BIRC6: variants seen among roughly 807,000 people sequenced by gnomAD.
BIRC6 encodes the protein dual E2 ubiquitin-conjugating enzyme/E3 ubiquitin-protein ligase BIRC6.
A neutral mutation model predicts 503.3 loss-of-function variants in BIRC6; 98 were observed. The observed-to-expected ratio is 0.19, with a 90% CI of 0.17 to 0.23. BIRC6 has a LOEUF of 0.23. Among genes scored for constraint, BIRC6 ranks in the 10% least tolerant of loss-of-function variants. BIRC6 has a pLI of 1.00. For missense variants in BIRC6, 5,360 were observed against 5,806.0 expected, an observed-to-expected ratio of 0.92 and a Z score of 2.50; for synonymous variants, 2,240 against 2,078.7, an observed-to-expected ratio of 1.08 and a Z score of -2.11.
At position 32,392,117 on chromosome 2, in the gene BIRC6, A is replaced by G. The variant is rs780745775; in HGVS notation, c.918A>G (p.Pro306=). 6.3e-7 allele frequency: 1 copy of G among 1,594,930 alleles called. No homozygotes were observed. Among genetic ancestry groups the G allele is most frequent in the South Asian group, 1.1e-5 (1 of 87,788 alleles). Residue 306 remains proline (P), a synonymous_variant, in exon 5 of 74, where the codon CCA becomes CCG. Coordinates refer to ENST00000421745, the MANE Select transcript of BIRC6 (RefSeq NM_016252.4). The part of the protein sequence containing the change: ...WPHVGYRWAQ[P]DPMAQAGFYH... ...ATGTAGGCTATAGGTGGGCACAACC[A>G]GATCCCATGGCTCAAGCTGGATTTT...
intron 61 of BIRC6, among the ~76,000 whole-genome samples, chr2:32,541,534 G>A (rs1306218234): frequency 2.6e-5 from 4 of 151,948 alleles, no homozygotes; most frequent in Non-Finnish European, 5.9e-5. Flanking sequence ...ACCCCACAGA[G>A]TTACCTATCA....
intron 65 of BIRC6, among the ~76,000 whole-genome samples, chr2:32,554,720 C>A (rs902376942): frequency 2.0e-5 from 3 of 151,912 alleles, no homozygotes; most frequent in African/African-American, 7.3e-5. Context: ...ATTTTTCTCA[C>A]AGTGTATTTT....
chr2:32,439,724 T>C (rs756765050), intron 16 of BIRC6, 38 bp downstream of exon 16: 12 of 1,569,332 alleles, frequency 7.6e-6, no homozygotes, highest in Non-Finnish European at 1.0e-5. Flanking sequence ...CAATACAGTT[T>C]TAAACATTGT....
rs1357616414 is a variant in BIRC6 at position 32,499,641 on chromosome 2, A to G, written c.8563A>G (p.Thr2855Ala). 1 of 1,613,706 alleles carries G rather than the reference A, an allele frequency of 6.2e-7. No homozygotes were observed. The highest frequency in any genetic ancestry group is 8.5e-7 in the Non-Finnish European group (1 of 1,179,832). ...GAATTTTGAAGTCGTTTCAGTTAGT[A>G]CTATTTCTGCCGTGATAGAATCGGT... is the stretch of plus-strand genomic sequence containing the variant. The part of the protein sequence containing the change: ...EQNFEVVSVS[T>A]ISAVIESVTF... The change falls in exon 46 of 74, where the codon ACT (threonine) becomes GCT (alanine). Residue 2855 changes from threonine to alanine, a missense_variant. Thr to Ala is a moderately conservative substitution (Grantham distance 58). This residue lies in a region of BIRC6 where 2,299 missense variants were observed against 2,267.2 expected (regional missense o/e 1.01). Coordinates refer to ENST00000421745, the MANE Select transcript of BIRC6 (RefSeq NM_016252.4).
chr2:32,394,255 G>T (rs1333442641), intron 5 of BIRC6, among the ~76,000 whole-genome samples: 2 of 151,352 alleles, frequency 1.3e-5, no homozygotes, highest in African/African-American at 4.9e-5. Flanking sequence ...TCTAGGAAAT[G>T]TTAGGGGCTG....
chr2:32,496,792 G>A (rs1471653559), intron 45 of BIRC6, among the ~76,000 whole-genome samples: 1 of 152,154 alleles, frequency 6.6e-6, no homozygotes, highest in Non-Finnish European at 1.5e-5. Flanking sequence ...CAGATGTATT[G>A]CTTGTTTGGC....
intron 72 of BIRC6, among the ~76,000 whole-genome samples, chr2:32,610,708 C>G (rs2062808677): frequency 6.6e-6 from 1 of 152,144 alleles, no homozygotes; most frequent in Admixed American, 6.6e-5. Context: ...AAGTGTCTGA[C>G]CACAATTGTA....
chr2:32,435,621 A>C, intron 14 of BIRC6, 36 bp downstream of exon 14: 2 of 1,534,230 alleles, frequency 1.3e-6, no homozygotes, highest in East Asian at 2.5e-5. Context: ...CCATGACAGT[A>C]AAAGGAGTAG....
intron 65 of BIRC6, among the ~76,000 whole-genome samples, chr2:32,570,565 C>T (rs1007224611): frequency 6.6e-6 from 1 of 152,018 alleles, no homozygotes; most frequent in Non-Finnish European, 1.5e-5. Context: ...ATGGTATTAT[C>T]CTGGCTCACT....
rs181156810 is a variant in BIRC6, at chr2:32,603,145, A to C, written c.14070+62A>C. ...TAAAGAACTGTGTAGTATTTTAAAA[A>C]ATTTTTAGTGACCAAGAATAAATAT... On this transcript the variant is annotated intron_variant, in intron 71 of 73. Coordinates refer to ENST00000421745, the MANE Select transcript of BIRC6 (RefSeq NM_016252.4). The C allele has an allele frequency of 9.0e-5, 117 of 1,304,186 alleles. No individual in the cohort carries two copies. In the East Asian group the frequency reaches 1.9e-3, roughly 21 times the overall value. The allele number at this position is 1,304,186 out of a possible 1,614,324, so 80.8% of individuals were successfully genotyped here. A position where few individuals can be genotyped will look rare whatever the true frequency, so the allele number is the denominator to read the frequency against.
At chr2:32,368,049 C>T (rs1035251980) in intron 1 of BIRC6, among the ~76,000 whole-genome samples, 5 of 152,154 alleles carry the variant, frequency 3.3e-5, no homozygotes, top group Admixed American at 3.3e-4. Context: ...AGACAGAAGA[C>T]TGGGAGATGG....
intron 1 of BIRC6, among the ~76,000 whole-genome samples, chr2:32,373,326 G>T (rs932366278): frequency 6.6e-6 from 1 of 152,128 alleles, no homozygotes; most frequent in South Asian, 2.1e-4. Flanking sequence ...ATTAACACTT[G>T]ATTTCAAAAT....
rs1265649265 is a variant in BIRC6 at position 32,507,657 on chromosome 2, A to C, written c.9701-323A>C. 2.0e-5 allele frequency among the ~76,000 whole-genome samples: 3 copies of C among 152,236 alleles called. No homozygotes were observed. In the East Asian group the frequency reaches 5.8e-4, roughly 29 times the overall value. On this transcript the variant is annotated intron_variant, in intron 50 of 73. Transcript: ENST00000421745. ...TTTTGAGTAAAATAGAAATGATGAC[A>C]TAATTACCTATTTGGCTGGTTTTAT...
chr2:32,557,908 T>C, intron 65 of BIRC6: 1 of 152,198 alleles, frequency 6.6e-6, no homozygotes, highest in Non-Finnish European at 1.5e-5. Flanking sequence ...AGCAAATTGC[T>C]AGAAAATGTA....
At position 32,433,848 on chromosome 2, in the gene BIRC6, G is replaced by A. The variant is rs1056157783; in HGVS notation, c.3409+44G>A. 8 of 1,403,736 alleles carry A rather than the reference G, an allele frequency of 5.7e-6. No individual in the cohort carries two copies. In the Admixed American group the frequency reaches 6.4e-5, roughly 11 times the overall value. 87.0% of individuals were successfully genotyped at this position (1,403,736 alleles called of 1,614,324 possible). A position where few individuals can be genotyped will look rare whatever the true frequency, so the allele number is the denominator to read the frequency against. Reference sequence around the variant, plus strand: ...TTATCTTTGAAGATTTTATTTTGTGGTTGATTTCTGAAAACTAATTTTCAC... The same window carrying A: ...TTATCTTTGAAGATTTTATTTTGTGATTGATTTCTGAAAACTAATTTTCAC... On this transcript the variant is annotated intron_variant, in intron 13 of 73. Coordinates refer to ENST00000421745, the MANE Select transcript of BIRC6 (RefSeq NM_016252.4).
chr2:32,450,421 C>T (rs748012655), intron 22 of BIRC6, among the ~76,000 whole-genome samples: 17 of 151,954 alleles, frequency 1.1e-4, no homozygotes, highest in Non-Finnish European at 2.1e-4. Context: ...GAGATAGCGT[C>T]ACTGCACTCC....
In BIRC6 at chr2:32,597,760, A is replaced by G; in HGVS notation, c.13622A>G (p.Glu4541Gly). The change falls in exon 69 of 74, where the codon GAA becomes GGA. Residue 4541 changes from glutamate to glycine, a missense_variant. Transcript: ENST00000421745. ...TTTCTTCTCCTTTTAGATACGTTTG[A>G]AATGGTTTCTGAAGATGAAGATGGG... ...VMKKLQFDTF[E>G]MVSEDEDGKL... 6.2e-7 allele frequency: 1 copy of G among 1,611,084 alleles called. No homozygotes were observed. Among genetic ancestry groups the G allele is most frequent in the East Asian group, 2.2e-5 (1 of 44,842 alleles).
rs2050667996 is a variant in BIRC6 at position 32,483,672 on chromosome 2, A to AT, written c.7696+1091dup. Among the ~76,000 whole-genome samples the AT allele has an allele frequency of 2.0e-5, 3 of 152,304 alleles. No homozygotes were observed. The South Asian group carries it at 6.2e-4, about 32-fold the overall frequency. On this transcript the variant is annotated intron_variant, in intron 39 of 73. Coordinates refer to ENST00000421745, the MANE Select transcript of BIRC6 (RefSeq NM_016252.4). ...CAGTAGTTCCTCATAGTTGACCTTCATGACATTGATACTTTTGAAGATGGC... is the reference window on the plus strand; with the variant it reads ...CAGTAGTTCCTCATAGTTGACCTTCATTGACATTGATACTTTTGAAGATGGC...
chr2:32,588,920 CTCCTGCTGGTCAT>C (rs1205536131), intron 66 of BIRC6, among the ~76,000 whole-genome samples: 1 of 152,176 alleles, frequency 6.6e-6, no homozygotes, highest in African/African-American at 2.4e-5. Context: ...TGAAATTTAT[CTCCTGCTGGTCAT>C]TCCAGCTGGT....
Sources: gnomAD v4.1 joint callset for allele counts (sites outside exome capture counted in the v4.1 genomes callset) on GRCh38, gnomAD v4.1.1 for gene constraint, gnomAD v4.1.1 regional missense constraint, MANE v1.5 for transcripts, NCBI Gene and HGNC (gene_info 2026-07-23, HGNC 2026-07-21) for gene names.